Variants in COG5 observed in about 807,000 individuals in gnomAD.
The protein encoded by COG5 is conserved oligomeric Golgi complex subunit 5.
A neutral mutation model predicts 110.4 loss-of-function variants in COG5; 86 were observed. The observed-to-expected ratio is 0.78, with a 90% CI of 0.65 to 0.93. The LOEUF is 0.93. COG5 is among the 40% of genes least tolerant of loss of function. COG5 has a pLI of 0.00. For synonymous variants in COG5, 360 were observed against 334.6 expected (o/e 1.08, Z -0.83); for missense variants, 1,077 against 987.0 (o/e 1.09, Z -1.22).
rs972705773 is a variant in COG5, at chr7:107,401,035, C to T, written c.669+11467G>A. 4.6e-5 allele frequency among the ~76,000 whole-genome samples: 7 copies of T among 152,050 alleles called. No individual in the cohort carries two copies. In the East Asian group the frequency reaches 5.8e-4, roughly 13 times the overall value. On this transcript the variant is annotated intron_variant, in intron 7 of 21. Transcript: ENST00000297135. The stretch of plus-strand genomic sequence containing the variant: ...ATCAGCATATTTTTTCTTTAAAGTG[C>T]AATACAGCAAATAGTTTAGGCTTTG...
rs1295970975 is a variant in COG5, at chr7:107,203,369, AAG to A, written c.*145_*146del. On this transcript the variant is annotated 3_prime_UTR_variant, in exon 22 of 22. Coordinates refer to ENST00000297135, the MANE Select transcript of COG5 (RefSeq NM_006348.5). ...TTTTTATGCTAAAGTATAAGTGCTA[AAG>A]AGGTAAATAAACGTCGATAGGAAAT... 1.4e-6 allele frequency: 1 copy of A among 693,652 alleles called. No homozygotes were observed. The highest frequency in any genetic ancestry group is 2.7e-5 in the East Asian group (1 of 36,944). The allele number at this position is 693,652 out of a possible 1,614,324, so 43.0% of individuals were successfully genotyped here.
At chr7:107,293,936 G>A (rs1384831242) in intron 12 of COG5, among the ~76,000 whole-genome samples, 1 of 152,046 alleles carries the variant, frequency 6.6e-6, no homozygotes, top group African/African-American at 2.4e-5. Flanking sequence ...TCTGGGCATG[G>A]TGGTGTGTGC....
intron 11 of COG5, among the ~76,000 whole-genome samples, chr7:107,315,513 T>C (rs1808651177): frequency 6.6e-6 from 1 of 152,040 alleles, no homozygotes; most frequent in South Asian, 2.1e-4. Context: ...CAAGCATACT[T>C]CCAAAAAGAA....
chr7:107,413,772 T>C (rs527893067), intron 6 of COG5, among the ~76,000 whole-genome samples: 4 of 152,220 alleles, frequency 2.6e-5, no homozygotes, highest in Non-Finnish European at 4.4e-5. Flanking sequence ...ACTAACATTT[T>C]TGAAGATATA....
At chr7:107,385,460 G>A (rs1216176810) in intron 7 of COG5, among the ~76,000 whole-genome samples, 1 of 152,166 alleles carries the variant, frequency 6.6e-6, no homozygotes, top group African/African-American at 2.4e-5. Flanking sequence ...CAAACCAAGT[G>A]TCCATTGATG....
At chr7:107,417,262 C>T (rs1449688877) in intron 6 of COG5, among the ~76,000 whole-genome samples, 1 of 152,152 alleles carries the variant, frequency 6.6e-6, no homozygotes, top group African/African-American at 2.4e-5. Context: ...AAGTAAATGT[C>T]TACTATATTC....
chr7:107,471,062 ATC>A (rs1189454884), intron 6 of COG5, among the ~76,000 whole-genome samples: 13 of 152,156 alleles, frequency 8.5e-5, no homozygotes, highest in African/African-American at 3.1e-4. Context: ...ATTGTTCATC[ATC>A]TCTGAAAATA....
At chr7:107,322,469 C>T (rs1274722998) in intron 11 of COG5, among the ~76,000 whole-genome samples, 1 of 152,020 alleles carries the variant, frequency 6.6e-6, no homozygotes, top group Non-Finnish European at 1.5e-5. Flanking sequence ...GTTGTAGCAG[C>T]CCAAATGAAC....
chr7:107,401,799 A>G (rs1241157798), intron 7 of COG5, among the ~76,000 whole-genome samples: 3 of 152,220 alleles, frequency 2.0e-5, no homozygotes, highest in Non-Finnish European at 4.4e-5. Flanking sequence ...TTTTAAAGCT[A>G]GGCAAATGGT....
chr7:107,491,780 C>T (rs1312970112), intron 6 of COG5, among the ~76,000 whole-genome samples: 1 of 152,062 alleles, frequency 6.6e-6, no homozygotes, highest in African/African-American at 2.4e-5. Context: ...ATAGAAAATT[C>T]CATGAGAAAT....
intron 14 of COG5, among the ~76,000 whole-genome samples, chr7:107,265,838 T>G (rs994190724): frequency 6.6e-6 from 1 of 152,096 alleles, no homozygotes; most frequent in Non-Finnish European, 1.5e-5. Flanking sequence ...GAGGATCGCT[T>G]GAGCTCAGAA....
chr7:107,301,376 A>T (rs191153182), intron 11 of COG5, among the ~76,000 whole-genome samples: 2 of 152,330 alleles, frequency 1.3e-5, no homozygotes, highest in African/African-American at 4.8e-5. Flanking sequence ...ACTTTTATCT[A>T]AAACACATAA....
At chr7:107,291,320 GC>G (rs1806152418) in intron 12 of COG5, among the ~76,000 whole-genome samples, 1 of 151,882 alleles carries the variant, frequency 6.6e-6, no homozygotes, top group East Asian at 1.9e-4. Flanking sequence ...TCTTTTCTCT[GC>G]CAGGTCAAAG....
At chr7:107,428,036 CCACT>C (rs767989486) in intron 6 of COG5, among the ~76,000 whole-genome samples, 2 of 151,810 alleles carry the variant, frequency 1.3e-5, no homozygotes, top group Non-Finnish European at 2.9e-5. Flanking sequence ...AACCAAGGCA[CCACT>C]CAAAGGTGGG....
chr7:107,280,462 G>C (rs944922922), intron 14 of COG5, among the ~76,000 whole-genome samples: 1 of 152,008 alleles, frequency 6.6e-6, no homozygotes, highest in African/African-American at 2.4e-5. Flanking sequence ...CTTGGATATA[G>C]ATAAAAGTAG....
intron 6 of COG5, among the ~76,000 whole-genome samples, chr7:107,434,900 G>A (rs1220533792): frequency 6.6e-6 from 1 of 151,882 alleles, no homozygotes; most frequent in African/African-American, 2.4e-5. Context: ...AACCTGGGAG[G>A]CGGAGATTGC....
intron 18 of COG5, among the ~76,000 whole-genome samples, chr7:107,232,524 G>A (rs533228793): frequency 2.6e-5 from 4 of 152,266 alleles, no homozygotes; most frequent in African/African-American, 9.6e-5. Context: ...CTTAGCACTT[G>A]AGCAGGACCA....
At chr7:107,434,786 C>T (rs571454195) in intron 6 of COG5, among the ~76,000 whole-genome samples, 3 of 151,996 alleles carry the variant, frequency 2.0e-5, no homozygotes, top group East Asian at 1.9e-4. Flanking sequence ...CTGGCTAACA[C>T]AGTGAAACCC....
intron 6 of COG5, among the ~76,000 whole-genome samples, chr7:107,495,616 G>C (rs1433234129): frequency 2.0e-5 from 3 of 152,100 alleles, no homozygotes; most frequent in African/African-American, 7.2e-5. Context: ...TTGATTCAGA[G>C]AGGGCTAATA....
Sources: allele counts gnomAD v4.1 joint callset (sites outside exome capture counted in the v4.1 genomes callset), GRCh38; gene constraint gnomAD v4.1.1; transcripts MANE v1.5; gene names NCBI Gene and HGNC (gene_info 2026-07-23, HGNC 2026-07-21).